Variants in ZBTB7C observed in about 807,000 individuals in gnomAD.
The protein encoded by ZBTB7C is zinc finger and BTB domain containing 7C, also known as zinc finger and BTB domain-containing protein 7C.
Under a neutral mutation model 25.7 loss-of-function variants are expected in ZBTB7C, and 8 were observed. That is an observed-to-expected ratio of 0.31 (90% CI 0.18 to 0.56). The LOEUF is 0.56. ZBTB7C is among the 20% of genes least tolerant of loss of function. ZBTB7C has a pLI of 0.91. For missense variants in ZBTB7C, 824 were observed against 855.2 expected (o/e 0.96, Z 0.46); for synonymous variants, 394 against 369.0 (o/e 1.07, Z -0.78).
chr18:48,380,800 G>A (rs1048358251), intron 1 of ZBTB7C, among the ~76,000 whole-genome samples: 3 of 152,150 alleles, frequency 2.0e-5, no homozygotes, highest in East Asian at 3.8e-4. Flanking sequence ...TGTTGTGACC[G>A]ATGTACCATA....
chr18:48,166,959 T>C (rs374814510), intron 3 of ZBTB7C, among the ~76,000 whole-genome samples: 2 of 152,116 alleles, frequency 1.3e-5, no homozygotes, highest in African/African-American at 4.8e-5. Flanking sequence ...AAGAGGCCTC[T>C]TCCTCTGACC....
intron 3 of ZBTB7C, among the ~76,000 whole-genome samples, chr18:48,098,606 C>A (rs8083313): frequency 0.4 from 60,308 of 151,904 alleles, 12,033 homozygotes; most frequent in South Asian, 0.51. Flanking sequence ...TAATTTCCTT[C>A]TGTGGATTCT....
chr18:48,391,412 G>A (rs557081022), intron 1 of ZBTB7C, among the ~76,000 whole-genome samples: 1 of 152,336 alleles, frequency 6.6e-6, no homozygotes, highest in South Asian at 2.1e-4. Flanking sequence ...CAGAGCCAGG[G>A]TTGAAAGCCC....
At chr18:48,244,271 C>A (rs1050822099) in intron 2 of ZBTB7C, among the ~76,000 whole-genome samples, 4 of 152,028 alleles carry the variant, frequency 2.6e-5, no homozygotes, top group Non-Finnish European at 5.9e-5. Context: ...AAAAATTAGC[C>A]AGGTGTGGTG....
intron 2 of ZBTB7C, among the ~76,000 whole-genome samples, chr18:48,331,326 G>A (rs2046337985): frequency 6.6e-6 from 1 of 152,062 alleles, no homozygotes; most frequent in South Asian, 2.1e-4. Flanking sequence ...GCTATACAAA[G>A]CCATGTCACA....
chr18:48,242,860 AAGAG>A (rs1176139481), intron 2 of ZBTB7C, among the ~76,000 whole-genome samples: 2 of 152,204 alleles, frequency 1.3e-5, no homozygotes, highest in Non-Finnish European at 2.9e-5. Flanking sequence ...GCAATCAGAC[AAGAG>A]AAAGAAATAA....
At chr18:48,084,326 A>T (rs2038103059) in intron 3 of ZBTB7C, among the ~76,000 whole-genome samples, 1 of 152,164 alleles carries the variant, frequency 6.6e-6, no homozygotes, top group Non-Finnish European at 1.5e-5. Flanking sequence ...CCTCCCCACG[A>T]TGGGGGCTTA....
chr18:48,263,515 T>C (rs2144525980), intron 2 of ZBTB7C, among the ~76,000 whole-genome samples: 1 of 152,176 alleles, frequency 6.6e-6, no homozygotes, highest in East Asian at 1.9e-4. Flanking sequence ...AAAAATGTAC[T>C]TAATGAATGC....
Position 48,331,720 on chromosome 18 carries a change from G to C in ZBTB7C, c.-79+6454C>G, listed in dbSNP as rs144595225. Among the ~76,000 whole-genome samples, 74 of 152,228 alleles carry C rather than the reference G, an allele frequency of 4.9e-4. 1 individual carries two copies. Among genetic ancestry groups the C allele is most frequent in the African/African-American group, 1.7e-3 (71 of 41,530 alleles). On this transcript the variant is annotated intron_variant, in intron 2 of 4. Transcript: ENST00000590800. ...GTATTCTATACTGAGCAAATGTTCT[G>C]TACTGTCACTTTCCCGAAGGGTAAA...
In ZBTB7C at chr18:48,040,135, T is replaced by A; in HGVS notation, c.973A>T (p.Ile325Phe). 6.3e-7 allele frequency: 1 copy of A among 1,590,336 alleles called. No homozygotes were observed. Among genetic ancestry groups the A allele is most frequent in the Non-Finnish European group, 8.6e-7 (1 of 1,168,128 alleles). Residue 325 changes from isoleucine (I) to phenylalanine (F), a missense_variant, in exon 4 of 5, where the codon ATC (isoleucine) becomes TTC (phenylalanine). This residue lies in a region of ZBTB7C where 316 missense variants were observed against 299.2 expected (regional missense o/e 1.06). Coordinates refer to ENST00000590800, the MANE Select transcript of ZBTB7C (RefSeq NM_001318841.2). ...PDLPGGPLGP[I>F]KAENDYGAYL... ...GCACCGTAGTCGTTCTCCGCCTTGA[T>A]GGGTCCCAGAGGCCCCCCCGGCAGG...
intron 1 of ZBTB7C, among the ~76,000 whole-genome samples, chr18:48,393,854 A>C (rs968308971): frequency 1.3e-5 from 2 of 152,208 alleles, no homozygotes; most frequent in Non-Finnish European, 2.9e-5. Flanking sequence ...AGACCCTCCC[A>C]GATAGCCAAA....
At chr18:48,257,425 T>A (rs992286436) in intron 2 of ZBTB7C, among the ~76,000 whole-genome samples, 13 of 152,232 alleles carry the variant, frequency 8.5e-5, no homozygotes, top group South Asian at 4.1e-4. Flanking sequence ...TTAAAAACTT[T>A]CCCATAAAGA....
At chr18:48,338,915 G>T (rs569567494) in intron 1 of ZBTB7C, among the ~76,000 whole-genome samples, 1 of 151,912 alleles carries the variant, frequency 6.6e-6, no homozygotes, top group South Asian at 2.1e-4. Context: ...GTTTGTTGGG[G>T]GGGGGGGGTC....
intron 2 of ZBTB7C, among the ~76,000 whole-genome samples, chr18:48,286,749 G>A (rs1383347820): frequency 6.6e-6 from 1 of 152,082 alleles, no homozygotes; most frequent in Non-Finnish European, 1.5e-5. Context: ...AACAGAACAA[G>A]TTTTAAAACT....
intron 1 of ZBTB7C, among the ~76,000 whole-genome samples, chr18:48,347,700 C>A (rs976556168): frequency 4.6e-5 from 7 of 152,228 alleles, no homozygotes; most frequent in African/African-American, 1.7e-4. Flanking sequence ...AACATCTGAA[C>A]TCCCTGCTCA....
chr18:48,040,552 G>A lies in ZBTB7C; in HGVS notation c.556C>T (p.His186Tyr). The A allele has an allele frequency of 1.2e-6, 2 of 1,614,062 alleles. No individual in the cohort carries two copies. Among genetic ancestry groups the A allele is most frequent in the South Asian group, 1.1e-5 (1 of 91,084 alleles). The change falls in exon 4 of 5, where the codon CAC (histidine) becomes TAC (tyrosine). Residue 186 changes from histidine to tyrosine, a missense_variant. This residue lies in a region of ZBTB7C where 316 missense variants were observed against 299.2 expected (regional missense o/e 1.06). Transcript: ENST00000590800. The part of the protein sequence containing the change: ...NLPDPQDISC[H>Y]QSPSKTDHLT... ...TGGTCTGTCTTGGAAGGGCTTTGGT[G>A]GCAGCTGATGTCCTGGGGGTCAGGC...
chr18:48,231,138 C>T (rs755534506), intron 2 of ZBTB7C, among the ~76,000 whole-genome samples: 5 of 152,108 alleles, frequency 3.3e-5, no homozygotes, highest in Non-Finnish European at 7.4e-5. Flanking sequence ...TTAATGGTAG[C>T]AGGAGGCAGA....
At chr18:48,189,404 A>G (rs2042140008) in intron 2 of ZBTB7C, among the ~76,000 whole-genome samples, 1 of 152,068 alleles carries the variant, frequency 6.6e-6, no homozygotes, top group Non-Finnish European at 1.5e-5. Flanking sequence ...CTCAAAAATA[A>G]TGTTAGAAGT....
At chr18:48,141,878 T>A (rs896761455) in intron 3 of ZBTB7C, among the ~76,000 whole-genome samples, 14 of 152,238 alleles carry the variant, frequency 9.2e-5, no homozygotes, top group African/African-American at 3.1e-4. Context: ...ACTCCACTGT[T>A]TGCATATTAG....
Sources: gnomAD v4.1 joint callset for allele counts (sites outside exome capture counted in the v4.1 genomes callset) on GRCh38, gnomAD v4.1.1 for gene constraint, gnomAD v4.1.1 regional missense constraint, MANE v1.5 for transcripts, NCBI Gene and HGNC (gene_info 2026-07-23, HGNC 2026-07-21) for gene names.